DLC1: variants seen among roughly 807,000 people sequenced by gnomAD.
The protein encoded by DLC1 is DLC1 Rho GTPase activating protein, also known as rho GTPase-activating protein 7.
Under a neutral mutation model 140.3 loss-of-function variants are expected in DLC1, and 54 were observed. That is an observed-to-expected ratio of 0.38 (90% CI 0.31 to 0.48). DLC1 has a LOEUF of 0.48. Ranked by LOEUF, DLC1 falls within the 20% of genes least tolerant of loss-of-function variation. DLC1 has a pLI of 0.96. For missense variants in DLC1, 2,536 were observed against 1,907.0 expected (o/e 1.33, Z -6.14); for synonymous variants, 986 against 728.1 (o/e 1.35, Z -5.70).
chr8:13,516,337 T>C (rs1802585151), upstream of DLC1, among the ~76,000 whole-genome samples: 1 of 152,218 alleles, frequency 6.6e-6, no homozygotes, highest in Admixed American at 6.5e-5. Flanking sequence ...AGATCTATCC[T>C]GTTCTTCTCT....
At chr8:13,300,377 G>A (rs889193550) in intron 5 of DLC1, among the ~76,000 whole-genome samples, 8 of 152,164 alleles carry the variant, frequency 5.3e-5, no homozygotes, top group African/African-American at 1.9e-4. Context: ...AAACCACCAT[G>A]ACACACGTTT....
At chr8:13,564,913 C>T (rs1424260143) in intron 1 of DLC1, among the ~76,000 whole-genome samples, 1 of 152,210 alleles carries the variant, frequency 6.6e-6, no homozygotes, top group East Asian at 1.9e-4. Context: ...ATCCCCACCA[C>T]AAGCAGCCTT....
intron 5 of DLC1, among the ~76,000 whole-genome samples, chr8:13,164,352 C>G (rs1975440): frequency 0.57 from 72,262 of 127,798 alleles, 18,510 homozygotes; most frequent in East Asian, 0.83. Context: ...CTGTCTGTCT[C>G]TCTCTCTGTC....
rs767078057 is a variant in DLC1 at position 13,090,399 on chromosome 8, T to C, written c.3927A>G (p.Ala1309=). The C allele has an allele frequency of 8.1e-6, 13 of 1,614,020 alleles. No individual in the cohort carries two copies. Among genetic ancestry groups the C allele is most frequent in the East Asian group, 2.2e-5 (1 of 44,884 alleles). Residue 1309 remains alanine, a synonymous_variant, in exon 15 of 18, where the codon GCA becomes GCG. Transcript: ENST00000276297. ...AGTCATCATTACCCAGGTGCCCGAG[T>C]GCTTCCAGAGTGAGGGGCTTCAGCT... ...EQELKPLTLE[A]LGHLGNDDSA...
chr8:13,528,436 A>G (rs893658999), intron 1 of DLC1, among the ~76,000 whole-genome samples: 8 of 152,224 alleles, frequency 5.3e-5, no homozygotes, highest in African/African-American at 1.9e-4. Flanking sequence ...AACGTTGCCA[A>G]AATTCAAATG....
In DLC1 at chr8:13,375,733, TTA is replaced by T. The variant is rs1483046036; in HGVS notation, c.1314+17818_1314+17819del. On this transcript the variant is annotated intron_variant, in intron 4 of 17. Coordinates refer to ENST00000276297, the MANE Select transcript of DLC1 (RefSeq NM_182643.3). Reference sequence around the variant, plus strand: ...TGATGACTGTTATTTTATTTTATTTTTATTTTTTTGCTGTGAGATGAGAAAGG... The same window carrying T: ...TGATGACTGTTATTTTATTTTATTTTTTTTTTTGCTGTGAGATGAGAAAGG... Among the ~76,000 whole-genome samples, 496 of 91,102 alleles carry T rather than the reference TTA, an allele frequency of 5.4e-3. 4 individuals are homozygous for T. The highest frequency in any genetic ancestry group is 0.024 in the African/African-American group (474 of 19,428). 59.8% of individuals were successfully genotyped at this position (91,102 alleles called of 152,430 possible).
At chr8:13,271,488 A>C (rs1481679589) in intron 5 of DLC1, among the ~76,000 whole-genome samples, 2 of 152,216 alleles carry the variant, frequency 1.3e-5, no homozygotes, top group Non-Finnish European at 2.9e-5. Context: ...GCTGCAATGT[A>C]AAAATCTATT....
intron 5 of DLC1, among the ~76,000 whole-genome samples, chr8:13,273,218 T>G (rs1312432383): frequency 6.6e-6 from 1 of 152,132 alleles, no homozygotes; most frequent in Admixed American, 6.5e-5. Flanking sequence ...TGACCAGATG[T>G]CCATGAATCA....
chr8:13,556,479 G>A (rs958940658), intron 1 of DLC1, among the ~76,000 whole-genome samples: 2 of 152,110 alleles, frequency 1.3e-5, no homozygotes, highest in African/African-American at 2.4e-5. Context: ...TTGAATACCC[G>A]GCAGGGGGTC....
chr8:13,463,114 G>C (rs562426227), intron 2 of DLC1, among the ~76,000 whole-genome samples: 3 of 151,980 alleles, frequency 2.0e-5, no homozygotes, highest in African/African-American at 4.8e-5. Context: ...TTATGAGCTG[G>C]TTTTATTTAT....
intron 1 of DLC1, among the ~76,000 whole-genome samples, chr8:13,505,138 TAATTATAGTATA>T (rs909287391): frequency 2.0e-5 from 3 of 152,134 alleles, no homozygotes; most frequent in African/African-American, 7.2e-5. Context: ...AAGGAAAATA[TAATTATAGTATA>T]CTCCATAAGC....
At chr8:13,573,955 C>G (rs572980370) in intron 1 of DLC1, among the ~76,000 whole-genome samples, 2 of 152,242 alleles carry the variant, frequency 1.3e-5, no homozygotes, top group South Asian at 4.1e-4. Flanking sequence ...TTCATCATAT[C>G]CTTGGTGTTT....
At chr8:13,218,921 T>C (rs1302470538) in intron 5 of DLC1, among the ~76,000 whole-genome samples, 1 of 128,110 alleles carries the variant, frequency 7.8e-6, no homozygotes, top group Non-Finnish European at 1.6e-5. Flanking sequence ...TATATAATTA[T>C]ATAATTACGT....
At chr8:13,440,981 C>T (rs1174234442) in intron 2 of DLC1, among the ~76,000 whole-genome samples, 2 of 152,082 alleles carry the variant, frequency 1.3e-5, no homozygotes, top group African/African-American at 4.8e-5. Context: ...CTGCTTTATT[C>T]ACACTTTCTT....
At chr8:13,186,073 C>G (rs1158723664) in intron 5 of DLC1, among the ~76,000 whole-genome samples, 2 of 151,892 alleles carry the variant, frequency 1.3e-5, no homozygotes, top group Non-Finnish European at 1.5e-5. Context: ...CTCTGGCTGC[C>G]CGTAACGCTT....
Position 13,499,523 on chromosome 8 carries a change from A to C in DLC1, c.549T>G (p.Val183=). The C allele has an allele frequency of 6.2e-7, 1 of 1,614,134 alleles. No individual in the cohort carries two copies. The highest frequency in any genetic ancestry group is 8.5e-7 in the Non-Finnish European group (1 of 1,180,018). ...ALVKESGERK[V]TDSISKSLEL... ...CCAGGCTTTTACTTATAGAGTCAGT[A>C]ACTTTTCTCTCCCCACTTTCTTTTA... The change falls in exon 2 of 18, where the codon GTT becomes GTG. Residue 183 remains valine, a synonymous_variant. Transcript: ENST00000276297.
intron 5 of DLC1, among the ~76,000 whole-genome samples, chr8:13,254,570 T>A (rs552151290): frequency 3.3e-4 from 51 of 152,316 alleles, no homozygotes; most frequent in African/African-American, 1.2e-3. Flanking sequence ...CCACAGGGCT[T>A]ATCTTTGATG....
intron 14 of DLC1, among the ~76,000 whole-genome samples, chr8:13,090,826 G>A (rs989556478): frequency 7.5e-6 from 1 of 134,190 alleles, no homozygotes; most frequent in African/African-American, 2.9e-5. Context: ...TTTTTTTTGA[G>A]AGAGAGTTTC....
intron 5 of DLC1, among the ~76,000 whole-genome samples, chr8:13,203,951 T>C (rs1399883804): frequency 1.3e-5 from 2 of 152,286 alleles, no homozygotes. Flanking sequence ...GGAGGCACCA[T>C]GACAAGCCAT....
Sources: gnomAD v4.1 joint callset for allele counts (sites outside exome capture counted in the v4.1 genomes callset) on GRCh38, gnomAD v4.1.1 for gene constraint, MANE v1.5 for transcripts, NCBI Gene and HGNC (gene_info 2026-07-23, HGNC 2026-07-21) for gene names.